The following RANBP17 variants were observed in gnomAD, a reference collection of about 807,000 sequenced individuals.
RANBP17 encodes RAN binding protein 17.
Under a neutral mutation model 141.2 loss-of-function variants are expected in RANBP17, and 158 were observed. The ratio of observed to expected loss-of-function variants is 1.12; its 90% confidence interval spans 0.98 to 1.28. The LOEUF is 1.28. RANBP17 is among the 50% of genes most tolerant of loss of function. RANBP17 has a pLI of 0.00. For synonymous variants in RANBP17, 430 were observed against 450.0 expected (o/e 0.96, Z 0.56); for missense variants, 1,438 against 1,290.7 (o/e 1.11, Z -1.75).
chr5:171,104,342 T>C (rs1787394829), intron 14 of RANBP17, among the ~76,000 whole-genome samples: 1 of 152,142 alleles, frequency 6.6e-6, no homozygotes, highest in Admixed American at 6.6e-5. Flanking sequence ...TGGCCTGTCC[T>C]CTTTAATTAT....
chr5:171,229,301 A>G (rs1764064077), intron 22 of RANBP17, among the ~76,000 whole-genome samples: 4 of 152,232 alleles, frequency 2.6e-5, no homozygotes, highest in Admixed American at 2.6e-4. Flanking sequence ...TGGCTTACAA[A>G]GCAAGGCCTT....
intron 14 of RANBP17, among the ~76,000 whole-genome samples, chr5:171,136,179 A>G (rs1757263454): frequency 6.6e-6 from 1 of 152,214 alleles, no homozygotes; most frequent in African/African-American, 2.4e-5. Flanking sequence ...TAGATTCAAA[A>G]TAACATTTTT....
chr5:171,039,521 C>T (rs994889349), intron 14 of RANBP17, among the ~76,000 whole-genome samples: 3 of 151,782 alleles, frequency 2.0e-5, no homozygotes, highest in African/African-American at 7.3e-5. Context: ...AATATTTCCT[C>T]CCGGTTTATA....
At chr5:171,170,603 A>G (rs1254029539) in intron 15 of RANBP17, among the ~76,000 whole-genome samples, 2 of 152,142 alleles carry the variant, frequency 1.3e-5, no homozygotes, top group Non-Finnish European at 2.9e-5. Context: ...ATTAGTTCTA[A>G]GAGAAACCTA....
At chr5:171,028,432 T>C (rs2127614249) in intron 14 of RANBP17, among the ~76,000 whole-genome samples, 1 of 152,274 alleles carries the variant, frequency 6.6e-6, no homozygotes, top group African/African-American at 2.4e-5. Flanking sequence ...AGTTAACCTC[T>C]GTAAGATATA....
intron 20 of RANBP17, among the ~76,000 whole-genome samples, chr5:171,208,114 A>G (rs960083246): frequency 1.3e-5 from 2 of 152,222 alleles, no homozygotes; most frequent in African/African-American, 4.8e-5. Flanking sequence ...TTAATTTGTT[A>G]TACAATCCTT....
chr5:171,137,600 G>GTGTC (rs1297990336), intron 14 of RANBP17, among the ~76,000 whole-genome samples: 34 of 143,534 alleles, frequency 2.4e-4, no homozygotes, highest in Non-Finnish European at 4.5e-4. Context: ...GTGTGTGTGT[G>GTGTC]TGTGTCTGTG....
Position 171,240,988 on chromosome 5 carries a change from A to AC in RANBP17, c.2483_2484insC (p.Lys828AsnfsTer33), listed in dbSNP as rs1764842351. The AC allele has an allele frequency of 6.2e-7, 1 of 1,613,864 alleles. No homozygotes were observed. The highest frequency in any genetic ancestry group is 8.5e-7 in the Non-Finnish European group (1 of 1,179,894). ...GATCAGATTTATCCAATGAAACTCA[A>AC]GGGCATCTCCATCTGCTATTCAGCT... On this transcript the variant is annotated frameshift_variant, in exon 23 of 28. Transcript: ENST00000523189. LOFTEE classifies it high-confidence loss of function.
chr5:171,110,414 C>T (rs778893393), intron 14 of RANBP17, among the ~76,000 whole-genome samples: 2 of 152,168 alleles, frequency 1.3e-5, no homozygotes, highest in Non-Finnish European at 2.9e-5. Flanking sequence ...GCATAGTGCA[C>T]AGCCTGTTGG....
intron 14 of RANBP17, chr5:171,028,842 T>A (rs1781382457): frequency 8.5e-7 from 1 of 1,180,280 alleles, no homozygotes; most frequent in Non-Finnish European, 1.1e-6. Context: ...CACTGTACCT[T>A]TTTTTTCTTT....
intron 14 of RANBP17, among the ~76,000 whole-genome samples, chr5:171,155,002 C>G (rs190273823): frequency 6.7e-6 from 1 of 148,378 alleles, no homozygotes; most frequent in Non-Finnish European, 1.5e-5. Context: ...GGCTTGAACC[C>G]GGGAGGCAGA....
chr5:171,030,321 G>T (rs1781476594), intron 14 of RANBP17, among the ~76,000 whole-genome samples: 1 of 151,980 alleles, frequency 6.6e-6, no homozygotes, highest in South Asian at 2.1e-4. Context: ...GTTACTGTTG[G>T]AACCTAAATA....
At chr5:170,926,862 T>C (rs1772970255) in intron 12 of RANBP17, among the ~76,000 whole-genome samples, 1 of 152,194 alleles carries the variant, frequency 6.6e-6, no homozygotes, top group Non-Finnish European at 1.5e-5. Flanking sequence ...CTTATTTGCA[T>C]AGAATACAGC....
intron 20 of RANBP17, among the ~76,000 whole-genome samples, chr5:171,212,171 A>G (rs546251955): frequency 3.3e-5 from 5 of 152,334 alleles, no homozygotes; most frequent in Non-Finnish European, 7.3e-5. Context: ...TGACACCTAT[A>G]TTGAAATCTG....
At chr5:171,005,727 A>G (rs1779552860) in intron 14 of RANBP17, among the ~76,000 whole-genome samples, 1 of 152,236 alleles carries the variant, frequency 6.6e-6, no homozygotes. Flanking sequence ...TGGCAACAAA[A>G]GCCAGAATTG....
chr5:171,079,003 G>A (rs1291749286), intron 14 of RANBP17, among the ~76,000 whole-genome samples: 1 of 152,182 alleles, frequency 6.6e-6, no homozygotes, highest in African/African-American at 2.4e-5. Context: ...ATGGATCTGG[G>A]CAAAGTAAAT....
At chr5:171,222,778 G>A (rs896784774) in intron 22 of RANBP17, among the ~76,000 whole-genome samples, 4 of 151,984 alleles carry the variant, frequency 2.6e-5, no homozygotes, top group Admixed American at 2.0e-4. Flanking sequence ...TTATAGGCAC[G>A]CCACCACGCC....
At chr5:171,222,821 G>T (rs1026603955) in intron 22 of RANBP17, among the ~76,000 whole-genome samples, 3 of 152,052 alleles carry the variant, frequency 2.0e-5, no homozygotes, top group Non-Finnish European at 4.4e-5. Context: ...TAGAGATGGG[G>T]TTTCACCTTG....
chr5:171,098,032 A>G (rs2127738624), intron 14 of RANBP17, among the ~76,000 whole-genome samples: 1 of 152,188 alleles, frequency 6.6e-6, no homozygotes, highest in Non-Finnish European at 1.5e-5. Flanking sequence ...TATCCAGTCT[A>G]TCATTGATGG....
Sources: allele counts gnomAD v4.1 joint callset (sites outside exome capture counted in the v4.1 genomes callset), GRCh38; gene constraint gnomAD v4.1.1; transcripts MANE v1.5; gene names NCBI Gene and HGNC (gene_info 2026-07-23, HGNC 2026-07-21).